DIAPH2: variants seen among roughly 807,000 people sequenced by gnomAD.
DIAPH2 encodes the protein diaphanous related formin 2.
A neutral mutation model predicts 92.7 loss-of-function variants in DIAPH2; 35 were observed. The ratio of observed to expected loss-of-function variants is 0.38; its 90% CI spans 0.29 to 0.50. The LOEUF is 0.50. Among genes scored for constraint, DIAPH2 ranks in the 20% least tolerant of loss-of-function variants. DIAPH2 has a pLI of 0.94. For missense variants in DIAPH2, 701 were observed against 819.5 expected (o/e 0.86, Z 1.77); for synonymous variants, 301 against 280.4 (o/e 1.07, Z -0.73).
rs1401711227 is a variant in DIAPH2 at position 97,603,102 on chromosome X, ACAGAG to A, written c.*3788_*3792del. ...TCAAGACACACCCTTGGGCTTATCT[ACAGAG>A]CACACTTTTCTAACAGTGAATCTCC... On this transcript the variant is annotated 3_prime_UTR_variant, in exon 27 of 27. Coordinates refer to ENST00000324765, the MANE Select transcript of DIAPH2 (RefSeq NM_006729.5). 9.4e-6 allele frequency: 1 copy of A among 106,360 alleles called. No homozygotes were observed. The highest frequency in any genetic ancestry group is 1.9e-5 in the Non-Finnish European group (1 of 51,882). The allele number at this position is 106,360 out of a possible 1,213,427, so 8.8% of individuals were successfully genotyped here.
intron 5 of DIAPH2, among the ~76,000 whole-genome samples, chrX:96,906,168 A>C (rs60175999): frequency 8.9e-6 from 1 of 112,280 alleles, no homozygotes; most frequent in East Asian, 2.8e-4. Flanking sequence ...CAAATATTTA[A>C]ATTATAAAGT....
chrX:96,719,893 A>C (rs1443730728), intron 1 of DIAPH2, among the ~76,000 whole-genome samples: 1 of 112,174 alleles, frequency 8.9e-6, no homozygotes, highest in Non-Finnish European at 1.9e-5. Context: ...CACAAAAACC[A>C]GTTTGTGACA....
chrX:97,314,595 A>G (rs1302059453), intron 23 of DIAPH2, among the ~76,000 whole-genome samples: 1 of 112,011 alleles, frequency 8.9e-6, no homozygotes, highest in Non-Finnish European at 1.9e-5. Flanking sequence ...TGAGTTAAAG[A>G]TAAGAGTCTA....
intron 11 of DIAPH2, among the ~76,000 whole-genome samples, chrX:96,938,200 T>A (rs994617268): frequency 1.8e-5 from 2 of 111,427 alleles, no homozygotes; most frequent in Non-Finnish European, 3.8e-5. Flanking sequence ...AGGGCAGAAA[T>A]GTTATGTTTA....
intron 17 of DIAPH2, among the ~76,000 whole-genome samples, chrX:96,977,092 G>A (rs970184489): frequency 1.8e-5 from 2 of 111,455 alleles, no homozygotes; most frequent in Non-Finnish European, 3.8e-5. Flanking sequence ...TATGCCCTTA[G>A]TAATTTGTGC....
intron 26 of DIAPH2, chrX:97,555,479 G>A: frequency 1.4e-6 from 1 of 735,137 alleles, no homozygotes; most frequent in Non-Finnish European, 1.6e-6. Flanking sequence ...GGTGAGAGTT[G>A]AAATATTTTT....
intron 24 of DIAPH2, among the ~76,000 whole-genome samples, chrX:97,366,120 A>G (rs1228375025): frequency 1.8e-5 from 2 of 112,169 alleles, no homozygotes; most frequent in African/African-American, 6.5e-5. Flanking sequence ...TTATTACACA[A>G]CAGAGTGTGT....
At chrX:96,807,283 C>T (rs1257965676) in intron 4 of DIAPH2, among the ~76,000 whole-genome samples, 1 of 111,539 alleles carries the variant, frequency 9.0e-6, no homozygotes, top group East Asian at 2.8e-4. Flanking sequence ...AGAGGAATCA[C>T]TAATAGTCTA....
Position 96,685,067 on chromosome X carries a change from G to T in DIAPH2, c.9G>T (p.Gln3His). Reference protein sequence around the residue: MEQPGAAASGAGG... With the variant: MEHPGAAASGAGG... ...GACAGGGCCGGAGAAAGATGGAGCA[G>T]CCCGGGGCGGCGGCGTCGGGAGCGG... The change falls in exon 1 of 27, where the codon CAG (glutamine) becomes CAT (histidine). Residue 3 changes from glutamine to histidine, a missense_variant. Around this residue, in one of 3 missense-constraint regions of DIAPH2, gnomAD observed 131 missense variants for 145.6 expected, o/e 0.90. Coordinates refer to ENST00000324765, the MANE Select transcript of DIAPH2 (RefSeq NM_006729.5). 1 of 1,002,649 alleles carries T rather than the reference G, an allele frequency of 1.0e-6. No homozygotes were observed. The highest frequency in any genetic ancestry group is 1.3e-6 in the Non-Finnish European group (1 of 788,256). The allele number at this position is 1,002,649 out of a possible 1,213,427, so 82.6% of individuals were successfully genotyped here. A position where few individuals can be genotyped will look rare whatever the true frequency, so the allele number is the denominator to read the frequency against.
chrX:96,825,360 T>TC (rs200231699), intron 4 of DIAPH2, among the ~76,000 whole-genome samples: 25 of 107,063 alleles, frequency 2.3e-4, no homozygotes, highest in African/African-American at 8.4e-4. Flanking sequence ...TTTTCTTTTT[T>TC]TTTTTTTTTT....
intron 22 of DIAPH2, among the ~76,000 whole-genome samples, chrX:97,237,378 CTT>C (rs778342171): frequency 4.0e-5 from 4 of 101,165 alleles, no homozygotes; most frequent in African/African-American, 3.6e-5. Context: ...TCCTGACAAG[CTT>C]TTTTTTTTTT....
chrX:97,216,460 A>G (rs2067884435), intron 22 of DIAPH2, among the ~76,000 whole-genome samples: 1 of 105,275 alleles, frequency 9.5e-6, no homozygotes, highest in Non-Finnish European at 1.9e-5. Flanking sequence ...GTGCACCACC[A>G]TGCCTGGCTA....
chrX:97,459,991 A>T (rs963314890), intron 26 of DIAPH2, among the ~76,000 whole-genome samples: 1 of 112,298 alleles, frequency 8.9e-6, no homozygotes, highest in African/African-American at 3.2e-5. Context: ...CTAAGCACCT[A>T]AAATGGTCCC....
chrX:96,757,577 C>G (rs2064239626), intron 3 of DIAPH2, among the ~76,000 whole-genome samples: 1 of 112,467 alleles, frequency 8.9e-6, no homozygotes, highest in Non-Finnish European at 1.9e-5. Flanking sequence ...TATTGAACCT[C>G]AAAACAATGT....
At chrX:97,039,637 C>T (rs1451506858) in intron 17 of DIAPH2, among the ~76,000 whole-genome samples, 1 of 111,381 alleles carries the variant, frequency 9.0e-6, no homozygotes, top group African/African-American at 3.3e-5. Context: ...TTGTGACAGT[C>T]TCTTGGCAGG....
At chrX:96,907,256 A>G (rs1398737996) in intron 5 of DIAPH2, among the ~76,000 whole-genome samples, 1 of 112,243 alleles carries the variant, frequency 8.9e-6, no homozygotes, top group Non-Finnish European at 1.9e-5. Context: ...GTCTCCAGTT[A>G]TCTGTCCTTA....
At chrX:97,005,908 C>CTTTTTT (rs58056111) in intron 17 of DIAPH2, among the ~76,000 whole-genome samples, 14 of 68,137 alleles carry the variant, frequency 2.1e-4, no homozygotes, top group Middle Eastern at 8.5e-3. Context: ...TGAAGTTTTT[C>CTTTTTT]TTTTTTTTTT....
At chrX:97,007,356 G>A (rs745863818) in intron 17 of DIAPH2, among the ~76,000 whole-genome samples, 1 of 111,332 alleles carries the variant, frequency 9.0e-6, no homozygotes, top group East Asian at 2.8e-4. Context: ...ATTTCTTGTT[G>A]ATGAAATCCC....
chrX:97,305,258 C>T (rs1350249118), intron 23 of DIAPH2, among the ~76,000 whole-genome samples: 3 of 110,678 alleles, frequency 2.7e-5, no homozygotes, highest in African/African-American at 9.9e-5. Context: ...TCTGGGAGGC[C>T]GAGGCAGGTG....
Sources: allele counts gnomAD v4.1 joint callset (sites outside exome capture counted in the v4.1 genomes callset), GRCh38; gene constraint gnomAD v4.1.1; regional missense constraint gnomAD v4.1.1; transcripts MANE v1.5; gene names NCBI Gene and HGNC (gene_info 2026-07-23, HGNC 2026-07-21).